Variants in NRXN3 observed in about 807,000 individuals in gnomAD.
The protein encoded by NRXN3 is neurexin III.
A neutral mutation model predicts 137.6 loss-of-function variants in NRXN3; 32 were observed. The observed-to-expected ratio is 0.23, with a 90% confidence interval of 0.18 to 0.31. NRXN3 has a LOEUF of 0.31. NRXN3 is among the 10% of genes least tolerant of loss of function. The pLI, the probability that NRXN3 is intolerant of heterozygous loss-of-function variation, is 1.00. For synonymous variants in NRXN3, 798 were observed against 784.5 expected (o/e 1.02, Z -0.29); for missense variants, 1,574 against 2,062.5 (o/e 0.76, Z 4.59).
chr14:79,524,871 G>A (rs1370534540), intron 16 of NRXN3, among the ~76,000 whole-genome samples: 1 of 152,142 alleles, frequency 6.6e-6, no homozygotes, highest in Admixed American at 6.5e-5. Flanking sequence ...GACAAAAAGG[G>A]TATGATCTAA....
chr14:79,706,342 C>A (rs1243901889), intron 19 of NRXN3, among the ~76,000 whole-genome samples: 2 of 151,946 alleles, frequency 1.3e-5, no homozygotes, highest in East Asian at 3.9e-4. Flanking sequence ...ATCCTTAATT[C>A]TCCTAAAACC....
At chr14:78,270,601 A>G (rs1255246888) in intron 2 of NRXN3, among the ~76,000 whole-genome samples, 3 of 152,230 alleles carry the variant, frequency 2.0e-5, no homozygotes, top group Non-Finnish European at 2.9e-5. Flanking sequence ...AAACAGGTCA[A>G]TAGAAGCTCA....
rs1408628434 is a variant in NRXN3, at chr14:79,274,978, G to A, written c.3263-192243G>A. Among the ~76,000 whole-genome samples, 6 of 152,264 alleles carry A rather than the reference G, an allele frequency of 3.9e-5. No homozygotes were observed. In the East Asian group the frequency reaches 1.2e-3, roughly 29 times the overall value. ...TTAAGCAAATACTTGTAGAAGTGAT[G>A]TCTAAAAGAATAAAGCTTCTCTTCT... On this transcript the variant is annotated intron_variant, in intron 15 of 20. Transcript: ENST00000335750.
rs112971338 is a variant in NRXN3 at position 79,655,852 on chromosome 14, G to T, written c.3445-7926G>T. 5.9e-5 allele frequency among the ~76,000 whole-genome samples: 9 copies of T among 152,272 alleles called. 1 individual carries two copies. The highest frequency in any genetic ancestry group is 2.2e-4 in the African/African-American group (9 of 41,570). On this transcript the variant is annotated intron_variant, in intron 16 of 20. Coordinates refer to ENST00000335750, the MANE Select transcript of NRXN3 (RefSeq NM_001330195.2). ...TGAAATCACTGCCTTAGTGAACCAA[G>T]ACATTAATGTAAGAAAGTGGTTCCT...
intron 4 of NRXN3, among the ~76,000 whole-genome samples, chr14:78,543,559 G>C (rs1335453481): frequency 6.6e-6 from 1 of 152,004 alleles, no homozygotes; most frequent in Non-Finnish European, 1.5e-5. Flanking sequence ...TCTTGGTGGG[G>C]GTCTGTGGAG....
chr14:79,290,438 G>A (rs1469214567), intron 15 of NRXN3, among the ~76,000 whole-genome samples: 1 of 152,142 alleles, frequency 6.6e-6, no homozygotes, highest in Non-Finnish European at 1.5e-5. Context: ...GACAGGCAGA[G>A]TCTGGTTATC....
intron 15 of NRXN3, among the ~76,000 whole-genome samples, chr14:79,252,629 G>C (rs2076087564): frequency 1.3e-5 from 2 of 152,170 alleles, no homozygotes; most frequent in Non-Finnish European, 2.9e-5. Context: ...TCAGATCTAA[G>C]AGGGAATTAA....
intron 10 of NRXN3, among the ~76,000 whole-genome samples, chr14:78,843,760 C>T (rs2099019191): frequency 6.6e-6 from 1 of 152,028 alleles, no homozygotes. Context: ...TTAGTTGAAA[C>T]ATTTTGAATC....
intron 4 of NRXN3, among the ~76,000 whole-genome samples, chr14:78,406,154 A>C (rs17107508): frequency 0.099 from 15,052 of 152,254 alleles, 1,135 homozygotes; most frequent in African/African-American, 0.2. Context: ...AGAAGTAGAA[A>C]TTAAGATGGG....
At chr14:78,360,148 G>C (rs2084906878) in intron 4 of NRXN3, among the ~76,000 whole-genome samples, 1 of 152,014 alleles carries the variant, frequency 6.6e-6, no homozygotes, top group South Asian at 2.1e-4. Context: ...ATTCCCTCCT[G>C]ATTGTGAAAA....
intron 1 of NRXN3, among the ~76,000 whole-genome samples, chr14:78,230,181 C>T (rs537660193): frequency 1.3e-5 from 2 of 152,178 alleles, no homozygotes; most frequent in East Asian, 3.9e-4. Context: ...TGAGCCACCA[C>T]ACCTGACTAA....
At chr14:79,659,670 G>T (rs1427409180) in intron 16 of NRXN3, among the ~76,000 whole-genome samples, 1 of 152,010 alleles carries the variant, frequency 6.6e-6, no homozygotes, top group Admixed American at 6.6e-5. Flanking sequence ...TCACATGTCT[G>T]TGCTCTCCTA....
At chr14:79,470,938 GAA>G (rs1211122725) in intron 16 of NRXN3, among the ~76,000 whole-genome samples, 2,057 of 91,464 alleles carry the variant, frequency 0.022, 39 homozygotes, top group African/African-American at 0.057. Flanking sequence ...GAGAGAGAGA[GAA>G]AGAGAGAGAG....
intron 15 of NRXN3, among the ~76,000 whole-genome samples, chr14:79,328,682 A>G (rs1056146247): frequency 3.5e-4 from 53 of 152,068 alleles, no homozygotes; most frequent in African/African-American, 1.2e-3. Context: ...ATATTATGCC[A>G]TGCCAGTCTT....
intron 18 of NRXN3, among the ~76,000 whole-genome samples, chr14:79,693,832 A>G (rs932959306): frequency 1.3e-4 from 20 of 151,902 alleles, no homozygotes; most frequent in African/African-American, 4.8e-4. Flanking sequence ...TTTCTTAAAT[A>G]TATGTATGAT....
chr14:79,328,455 G>A (rs2091227750), intron 15 of NRXN3, among the ~76,000 whole-genome samples: 1 of 152,156 alleles, frequency 6.6e-6, no homozygotes, highest in African/African-American at 2.4e-5. Flanking sequence ...TAGGCTTTTT[G>A]GAGGCTGATT....
At chr14:79,268,498 C>T (rs1401510914) in intron 15 of NRXN3, among the ~76,000 whole-genome samples, 1 of 152,106 alleles carries the variant, frequency 6.6e-6, no homozygotes, top group African/African-American at 2.4e-5. Flanking sequence ...CCTATCAGTT[C>T]AGCAAATGTT....
rs929936969 is a variant in NRXN3, at chr14:79,867,123, G to T, written c.*5159G>T. ...CGAAGAACTTAAATGACTTCTCCAA[G>T]GTCACACAGCTAATACATGACAATG... is the stretch of plus-strand genomic sequence containing the variant. On this transcript the variant is annotated 3_prime_UTR_variant, in exon 21 of 21. Coordinates refer to ENST00000335750, the MANE Select transcript of NRXN3 (RefSeq NM_001330195.2). 3.9e-5 allele frequency: 6 copies of T among 152,142 alleles called. No homozygotes were observed. The highest frequency in any genetic ancestry group is 1.4e-4 in the African/African-American group (6 of 41,426). 9.4% of individuals were successfully genotyped at this position (152,142 alleles called of 1,614,324 possible).
chr14:78,824,147 C>G (rs1006123934), intron 10 of NRXN3, among the ~76,000 whole-genome samples: 3 of 125,748 alleles, frequency 2.4e-5, no homozygotes, highest in Non-Finnish European at 4.8e-5. Context: ...TTCTGTTGCT[C>G]CTTAGGAAAG....
Sources: allele counts gnomAD v4.1 joint callset (sites outside exome capture counted in the v4.1 genomes callset), GRCh38; gene constraint gnomAD v4.1.1; transcripts MANE v1.5; gene names NCBI Gene and HGNC (gene_info 2026-07-23, HGNC 2026-07-21).